Variants in NTAQ1 observed in about 807,000 individuals in gnomAD.
The protein encoded by NTAQ1 is protein N-terminal glutamine amidohydrolase.
A neutral mutation model predicts 28.2 loss-of-function variants in NTAQ1; 21 were observed. The observed-to-expected ratio is 0.74, with a 90% CI of 0.53 to 1.07. The LOEUF (loss-of-function observed/expected upper bound fraction) is 1.07, where lower values mean the gene tolerates loss of function less well. NTAQ1 is among the 50% of genes least tolerant of loss of function. The pLI is 0.00. For synonymous variants in NTAQ1, 105 were observed against 90.0 expected (o/e 1.17, Z -0.94); for missense variants, 264 against 256.6 (o/e 1.03, Z -0.20).
In NTAQ1 at chr8:123,461,796, A is replaced by G. The variant is rs199986358; in HGVS notation, c.373-5283A>G. 2.0e-5 allele frequency among the ~76,000 whole-genome samples: 3 copies of G among 152,292 alleles called. No homozygotes were observed. The East Asian group carries it at 5.8e-4, about 29-fold the overall frequency. ...GAGCAAGAGGAAGTATGTGAGGGGA[A>G]GAGGAGATGGGAGCATGAAATTGGG... is the stretch of plus-strand genomic sequence containing the variant. On this transcript the variant is annotated intron_variant, in intron 6 of 6. Transcript: ENST00000650311.
At chr8:123,469,147 A>G (rs931223857) in exon 7 of NTAQ1, among the ~76,000 whole-genome samples, 23 of 152,212 alleles carry the variant, frequency 1.5e-4, no homozygotes, top group African/African-American at 2.7e-4. Flanking sequence ...TTATATGAGC[A>G]TATTTTCTTC....
chr8:123,461,224 C>T (rs534985222), intron 6 of NTAQ1, among the ~76,000 whole-genome samples: 7 of 152,138 alleles, frequency 4.6e-5, no homozygotes, highest in East Asian at 1.9e-4. Context: ...CTGGGCTAGA[C>T]GCTGCACCAT....
At chr8:123,450,504 T>A (rs7843891), downstream of NTAQ1, among the ~76,000 whole-genome samples, 54,751 of 150,670 alleles carry the variant, frequency 0.36, 10,025 homozygotes, top group East Asian at 0.57. Flanking sequence ...TTCTTCCATT[T>A]TGAAGAACGA....
intron 4 of NTAQ1, 50 bp downstream of exon 4, chr8:123,436,651 C>T (rs774952992): frequency 2.6e-5 from 41 of 1,572,080 alleles, no homozygotes; most frequent in South Asian, 3.5e-5. Flanking sequence ...AAGAATTTGA[C>T]GATTCCACAG....
chr8:123,450,733 A>T (rs1360523532), downstream of NTAQ1, among the ~76,000 whole-genome samples: 1 of 150,752 alleles, frequency 6.6e-6, no homozygotes, highest in African/African-American at 2.4e-5. Flanking sequence ...CATCCAGGTC[A>T]TGGGGAAGCC....
chr8:123,419,455 C>T (rs984908887), intron 1 of NTAQ1, among the ~76,000 whole-genome samples: 11 of 152,096 alleles, frequency 7.2e-5, no homozygotes, highest in African/African-American at 2.2e-4. Context: ...TGTTAGCTTC[C>T]GTCATGTTAG....
chr8:123,449,947 G>GTGTGTGCATATA (rs1815432605), downstream of NTAQ1, among the ~76,000 whole-genome samples: 2 of 12,034 alleles, frequency 1.7e-4, no homozygotes, highest in Admixed American at 2.2e-3. Flanking sequence ...GTGTGTGTGT[G>GTGTGTGCATATA]TGCATATATA....
chr8:123,439,970 A>G (rs555656214), intron 5 of NTAQ1, among the ~76,000 whole-genome samples: 1 of 151,570 alleles, frequency 6.6e-6, no homozygotes, highest in East Asian at 2.0e-4. Flanking sequence ...AAGAAAACAG[A>G]CTTTAAATTA....
Position 123,425,206 on chromosome 8 carries a change from C to T in NTAQ1, c.84-2718C>T, listed in dbSNP as rs556464775. 4.6e-5 allele frequency among the ~76,000 whole-genome samples: 7 copies of T among 152,190 alleles called. No homozygotes were observed. The East Asian group carries it at 1.4e-3, about 29-fold the overall frequency. ...TCCTGGTTTCAAGCGATTCTCCTGC[C>T]TCAGCCTCCCGAGTAGCTGGGATTA... On this transcript the variant is annotated intron_variant, in intron 1 of 5. Coordinates refer to ENST00000287387, the MANE Select transcript of NTAQ1 (RefSeq NM_018024.3).
chr8:123,449,974 T>TATATATATATATATATAGATGA (rs371673968), downstream of NTAQ1, among the ~76,000 whole-genome samples: 2 of 56,084 alleles, frequency 3.6e-5, 1 homozygote, highest in Non-Finnish European at 6.2e-5. Context: ...TATATATATA[T>TATATATATATATATATAGATGA]GCTGGATAAA....
At chr8:123,439,903 A>C (rs1252825205) in intron 5 of NTAQ1, among the ~76,000 whole-genome samples, 2 of 151,958 alleles carry the variant, frequency 1.3e-5, no homozygotes, top group Non-Finnish European at 2.9e-5. Flanking sequence ...GCAATGAGCC[A>C]AAATTGCACC....
chr8:123,455,937 G>C (rs1290009842), intron 6 of NTAQ1, among the ~76,000 whole-genome samples: 1 of 152,168 alleles, frequency 6.6e-6, no homozygotes, highest in Admixed American at 6.5e-5. Flanking sequence ...GAGAGGTCAG[G>C]AACTGTATCT....
chr8:123,422,442 A>T (rs1813757451), intron 1 of NTAQ1, among the ~76,000 whole-genome samples: 1 of 151,028 alleles, frequency 6.6e-6, no homozygotes. Context: ...TGCCTGGTTA[A>T]TTTTTTTTAC....
At chr8:123,428,167 T>A in intron 2 of NTAQ1, 144 bp downstream of exon 2, 1 of 568,524 alleles carries the variant, frequency 1.8e-6, no homozygotes, top group Non-Finnish European at 2.9e-6. Flanking sequence ...ATTTAAAAGC[T>A]TGCTTTTGAA....
At chr8:123,451,435 T>A (rs958445661), downstream of NTAQ1, among the ~76,000 whole-genome samples, 1 of 152,210 alleles carries the variant, frequency 6.6e-6, no homozygotes, top group Non-Finnish European at 1.5e-5. Flanking sequence ...GCCTCCTGGA[T>A]TCAAGGGATT....
chr8:123,437,470 G>A (rs970350383), intron 5 of NTAQ1, 136 bp downstream of exon 5: 24 of 1,265,284 alleles, frequency 1.9e-5, no homozygotes, highest in East Asian at 5.3e-5. Context: ...TTGGGAGGCC[G>A]AGGTGGGCGG....
chr8:123,462,746 A>C (rs7827492), intron 6 of NTAQ1, among the ~76,000 whole-genome samples: 87,389 of 151,932 alleles, frequency 0.58, 25,164 homozygotes, highest in East Asian at 0.63. Flanking sequence ...TCATGCATTC[A>C]TGGGCATGGC....
downstream of NTAQ1, among the ~76,000 whole-genome samples, chr8:123,449,950 C>CATATAT (rs529123810): frequency 1.9e-4 from 8 of 42,878 alleles, 1 homozygote; most frequent in African/African-American, 6.3e-4. Flanking sequence ...TGTGTGTGTG[C>CATATAT]ATATATATAT....
chr8:123,472,623 CTT>C (rs1011733353), downstream of NTAQ1, among the ~76,000 whole-genome samples: 4 of 152,174 alleles, frequency 2.6e-5, no homozygotes, highest in African/African-American at 9.6e-5. Flanking sequence ...TGTGCCCTCT[CTT>C]ATAAAAACAG....
Sources: gnomAD v4.1 joint callset for allele counts (sites outside exome capture counted in the v4.1 genomes callset) on GRCh38, gnomAD v4.1.1 for gene constraint, MANE v1.5 for transcripts, NCBI Gene and HGNC (gene_info 2026-07-23, HGNC 2026-07-21) for gene names.